Variants in MGLL observed in about 807,000 individuals in gnomAD.
MGLL encodes the protein lysophospholipase homolog.
A neutral mutation model predicts 29.1 loss-of-function variants in MGLL; 7 were observed. That is an observed-to-expected ratio of 0.24 (90% CI 0.14 to 0.45). The LOEUF (loss-of-function observed/expected upper bound fraction) is 0.45. MGLL is among the 20% of genes least tolerant of loss of function. The pLI is 0.99. For missense variants in MGLL, 356 were observed against 413.6 expected (o/e 0.86, Z 1.21); for synonymous variants, 148 against 168.3 (o/e 0.88, Z 0.93).
At chr3:127,818,156 T>G (rs547990946) in intron 2 of MGLL, among the ~76,000 whole-genome samples, 17 of 152,242 alleles carry the variant, frequency 1.1e-4, no homozygotes, top group African/African-American at 3.6e-4. Context: ...GAGAGGGAGT[T>G]TCACCACTTT....
At chr3:127,720,941 G>A in intron 5 of MGLL, 112 bp downstream of exon 5, 1 of 899,458 alleles carries the variant, frequency 1.1e-6, no homozygotes, top group South Asian at 1.4e-5. Context: ...ACGCAATAGT[G>A]TCTGAGGTCC....
At position 127,692,215 on chromosome 3, in the gene MGLL, T is replaced by C; in HGVS notation, c.925A>G (p.Thr309Ala). 6.2e-7 allele frequency: 1 copy of C among 1,613,270 alleles called. No individual in the cohort carries two copies. Among genetic ancestry groups the C allele is most frequent in the Non-Finnish European group, 8.5e-7 (1 of 1,179,852 alleles). Residue 309 changes from threonine (T) to alanine (A), a missense_variant, in exon 8 of 8, where the codon ACT becomes GCT. Thr to Ala is a moderately conservative substitution (Grantham distance 58). Coordinates refer to ENST00000265052, the MANE Select transcript of MGLL (RefSeq NM_007283.7). ...CAATGCATTCAGGGTGGGGACGCAG[T>C]TCCTGCCGTGGCTGTCCTTTGAGAG... The part of the protein sequence containing the change: ...WVSQRTATAG[T>A]ASPP
chr3:127,696,396 C>CTTTTTTTTTTTTTTTTTTTTTTTTTTTTT (rs545853423), intron 6 of MGLL, among the ~76,000 whole-genome samples: 1 of 49,346 alleles, frequency 2.0e-5, no homozygotes, highest in Non-Finnish European at 4.0e-5. Context: ...CCTGATGCTT[C>CTTTTTTTTTTTTTTTTTTTTTTTTTTTTT]TTTTTTTTTT....
intron 3 of MGLL, among the ~76,000 whole-genome samples, chr3:127,726,725 T>A (rs1194526740): frequency 6.6e-6 from 1 of 152,202 alleles, no homozygotes; most frequent in Non-Finnish European, 1.5e-5. Context: ...CCACCGCGCC[T>A]GGCCTACAGG....
intron 3 of MGLL, among the ~76,000 whole-genome samples, chr3:127,739,675 T>C (rs1403651290): frequency 6.6e-6 from 1 of 152,216 alleles, no homozygotes; most frequent in East Asian, 1.9e-4. Context: ...AAACCGGCCA[T>C]GCTGGTGACC....
At chr3:127,813,021 C>T (rs901230995) in intron 2 of MGLL, among the ~76,000 whole-genome samples, 9 of 152,166 alleles carry the variant, frequency 5.9e-5, no homozygotes, top group Non-Finnish European at 1.3e-4. Context: ...CGTCTAAAGA[C>T]AGCAATTTCC....
In MGLL at chr3:127,692,634, G is replaced by T. The variant is rs549722611; in HGVS notation, c.817-311C>A. On this transcript the variant is annotated intron_variant, in intron 7 of 7. Transcript: ENST00000265052. ...AGTCAGGCAACCTTCTCAAAAGAGG[G>T]GGTTCCACTCCCGGCCTCACATCCT... Among the ~76,000 whole-genome samples the T allele has an allele frequency of 2.0e-5, 3 of 152,230 alleles. No individual in the cohort carries two copies. The South Asian group carries it at 6.2e-4, about 32-fold the overall frequency.
At chr3:127,736,707 T>A (rs2076248258) in intron 3 of MGLL, among the ~76,000 whole-genome samples, 1 of 152,236 alleles carries the variant, frequency 6.6e-6, no homozygotes. Flanking sequence ...TGTATTTTTA[T>A]TTTTTGAGAC....
rs2075776060 is a variant in MGLL at position 127,714,407 on chromosome 3, C to G, written c.511-3742G>C. Reference sequence around the variant, plus strand: ...AGGACGGAAGGGACAAGCAGCCACCCTCGCTCCCCTAAAGGAGCTGCTGCC... The same window carrying G: ...AGGACGGAAGGGACAAGCAGCCACCGTCGCTCCCCTAAAGGAGCTGCTGCC... On this transcript the variant is annotated intron_variant, in intron 5 of 7. Transcript: ENST00000265052. 2.0e-5 allele frequency among the ~76,000 whole-genome samples: 3 copies of G among 152,222 alleles called. No homozygotes were observed. The South Asian group carries it at 6.2e-4, about 31-fold the overall frequency.
At chr3:127,741,875 T>C (rs535733016) in intron 3 of MGLL, among the ~76,000 whole-genome samples, 21 of 152,368 alleles carry the variant, frequency 1.4e-4, no homozygotes, top group East Asian at 3.9e-4. Flanking sequence ...TCTGTGATTT[T>C]TTTGCACATT....
chr3:127,775,844 C>G (rs893548753), intron 3 of MGLL, among the ~76,000 whole-genome samples: 1 of 152,240 alleles, frequency 6.6e-6, no homozygotes. Flanking sequence ...TTCCCACCGT[C>G]TCTCGCAGCA....
intron 4 of MGLL, among the ~76,000 whole-genome samples, chr3:127,721,507 G>GT (rs55892315): frequency 0.11 from 10,641 of 94,766 alleles, 563 homozygotes; most frequent in African/African-American, 0.2. Context: ...TAATAGGAGG[G>GT]TTTTTTTTTT....
At chr3:127,754,720 G>A (rs2076628392) in intron 3 of MGLL, among the ~76,000 whole-genome samples, 1 of 152,124 alleles carries the variant, frequency 6.6e-6, no homozygotes, top group Admixed American at 6.5e-5. Context: ...GGGCAAGAAA[G>A]CGTAGGCTTC....
At chr3:127,751,036 C>T (rs1448906283) in intron 3 of MGLL, among the ~76,000 whole-genome samples, 1 of 152,230 alleles carries the variant, frequency 6.6e-6, no homozygotes, top group African/African-American at 2.4e-5. Context: ...CCTGCCATAG[C>T]AGTGGTGTTT....
chr3:127,765,866 C>G (rs2076846735), intron 3 of MGLL, among the ~76,000 whole-genome samples: 1 of 152,306 alleles, frequency 6.6e-6, no homozygotes, highest in Non-Finnish European at 1.5e-5. Flanking sequence ...AAAAGTTTCT[C>G]TTCTCAGCCA....
At chr3:127,700,642 C>A (rs1461670376) in intron 6 of MGLL, among the ~76,000 whole-genome samples, 1 of 152,194 alleles carries the variant, frequency 6.6e-6, no homozygotes, top group Non-Finnish European at 1.5e-5. Flanking sequence ...ATTCCCTAAT[C>A]CAGCCCAAGA....
chr3:127,804,432 T>G (rs1329463406), intron 2 of MGLL, among the ~76,000 whole-genome samples: 2 of 152,284 alleles, frequency 1.3e-5, no homozygotes, highest in East Asian at 3.9e-4. Context: ...ACTCCCTGAG[T>G]AGGACTCCCC....
chr3:127,766,477 C>A (rs1437846401), intron 3 of MGLL, among the ~76,000 whole-genome samples: 1 of 152,176 alleles, frequency 6.6e-6, no homozygotes, highest in African/African-American at 2.4e-5. Context: ...CTGCCAAACC[C>A]CTCTCTTGAG....
chr3:127,729,889 A>G (rs1275978109), intron 3 of MGLL, among the ~76,000 whole-genome samples: 5 of 152,202 alleles, frequency 3.3e-5, no homozygotes, highest in Non-Finnish European at 7.3e-5. Flanking sequence ...ATGGTAATGT[A>G]GGCATCTCCT....
Sources: allele counts gnomAD v4.1 joint callset (sites outside exome capture counted in the v4.1 genomes callset), GRCh38; gene constraint gnomAD v4.1.1; transcripts MANE v1.5; gene names NCBI Gene and HGNC (gene_info 2026-07-23, HGNC 2026-07-21).